The following ADD3 variants were observed in gnomAD, a reference collection of about 807,000 sequenced individuals.
The protein encoded by ADD3 is gamma-adducin.
A neutral mutation model predicts 80.2 loss-of-function variants in ADD3; 25 were observed. The ratio of observed to expected loss-of-function variants is 0.31; its 90% CI spans 0.23 to 0.44. The LOEUF is 0.44. Among genes scored for constraint, ADD3 ranks in the 20% least tolerant of loss-of-function variants. The pLI is 1.00. For synonymous variants in ADD3, 284 were observed against 289.6 expected, an observed-to-expected ratio of 0.98 and a Z score of 0.20; for missense variants, 829 against 847.5, an observed-to-expected ratio of 0.98 and a Z score of 0.27.
At chr10:110,133,283 T>A (rs376081821) in intron 14 of ADD3, 43 bp from the exon 15 acceptor site, 101 of 1,525,930 alleles carry the variant, frequency 6.6e-5, no homozygotes, top group Non-Finnish European at 8.6e-5. Context: ...GCAAAAATGT[T>A]AAGTATGTAA....
chr10:110,121,981 C>G, intron 8 of ADD3, 129 bp from the exon 9 acceptor site: 2 of 706,632 alleles, frequency 2.8e-6, no homozygotes, highest in Non-Finnish European at 4.4e-6. Flanking sequence ...GTCATCTTGT[C>G]TTTGTTGTTA....
intron 1 of ADD3, among the ~76,000 whole-genome samples, chr10:110,074,998 T>C (rs1331975429): frequency 2.0e-5 from 3 of 151,864 alleles, no homozygotes; most frequent in Non-Finnish European, 4.4e-5. Context: ...CCAAATAATA[T>C]CAAGACTAAC....
chr10:110,118,019 T>TACACACACACACACACACACACAC (rs148105742), intron 5 of ADD3, among the ~76,000 whole-genome samples: 2 of 125,690 alleles, frequency 1.6e-5, no homozygotes, highest in Non-Finnish European at 3.4e-5. Flanking sequence ...CTGTCTTCAA[T>TACACACACACACACACACACACAC]ACACACACAC....
chr10:110,086,579 G>GAT (rs1846788720), intron 1 of ADD3, among the ~76,000 whole-genome samples: 1 of 152,176 alleles, frequency 6.6e-6, no homozygotes, highest in Admixed American at 6.5e-5. Context: ...GCTATCTCAT[G>GAT]ATAGAGTTCT....
chr10:110,112,931 A>G lies in ADD3; in HGVS notation c.334+16A>G. On this transcript the variant is annotated intron_variant, in intron 3 of 14. Coordinates refer to ENST00000356080, the MANE Select transcript of ADD3 (RefSeq NM_016824.5). ...CCTCCTCTCAGTATGTCAGTTTTGG[A>G]GAGTTTTAAACATTATAATTTTACT... 6.2e-7 allele frequency: 1 copy of G among 1,611,096 alleles called. No homozygotes were observed. The highest frequency in any genetic ancestry group is 8.5e-7 in the Non-Finnish European group (1 of 1,178,638).
chr10:110,050,165 T>C (rs1251780457), intron 1 of ADD3, among the ~76,000 whole-genome samples: 3 of 152,228 alleles, frequency 2.0e-5, no homozygotes. Context: ...AAAGTCATGA[T>C]TGGTTTTGAA....
At chr10:110,016,644 A>G (rs1005811187) in intron 1 of ADD3, 2 of 152,324 alleles carry the variant, frequency 1.3e-5, no homozygotes, top group African/African-American at 4.8e-5. Flanking sequence ...GAATACTTGA[A>G]TACTTCGATT....
At chr10:110,051,921 C>T (rs1195906414) in intron 1 of ADD3, among the ~76,000 whole-genome samples, 1 of 152,186 alleles carries the variant, frequency 6.6e-6, no homozygotes, top group African/African-American at 2.4e-5. Context: ...TCCAACCCAG[C>T]CTCCCAAGTA....
At chr10:110,110,482 A>C (rs1849878068) in intron 2 of ADD3, among the ~76,000 whole-genome samples, 1 of 152,154 alleles carries the variant, frequency 6.6e-6, no homozygotes, top group Admixed American at 6.5e-5. Flanking sequence ...ACAGTGCATC[A>C]GGGAGGGATC....
chr10:110,039,853 T>C (rs12358885), intron 1 of ADD3, among the ~76,000 whole-genome samples: 5,934 of 152,326 alleles, frequency 0.039, 158 homozygotes, highest in Middle Eastern at 0.17. Flanking sequence ...CATGAGCTTA[T>C]GGTGGAGAGC....
intron 10 of ADD3, among the ~76,000 whole-genome samples, chr10:110,125,152 A>C (rs543126944): frequency 1.3e-5 from 2 of 152,330 alleles, no homozygotes. Flanking sequence ...TCCCAGTAAA[A>C]GAACATAATT....
intron 2 of ADD3, among the ~76,000 whole-genome samples, chr10:110,101,549 A>C (rs1323788938): frequency 6.6e-6 from 1 of 151,752 alleles, no homozygotes; most frequent in African/African-American, 2.4e-5. Context: ...AGGCAGGAGG[A>C]TCACTTGAGC....
At chr10:110,047,069 G>T (rs1303536932) in intron 1 of ADD3, among the ~76,000 whole-genome samples, 1 of 152,094 alleles carries the variant, frequency 6.6e-6, no homozygotes, top group Non-Finnish European at 1.5e-5. Flanking sequence ...ATCACTCTTT[G>T]TGATAGATAT....
At position 110,041,266 on chromosome 10, in the gene ADD3, T is replaced by C. The variant is rs368292597; in HGVS notation, c.-30+32967T>C. On this transcript the variant is annotated intron_variant, in intron 1 of 14. Coordinates refer to ENST00000356080, the MANE Select transcript of ADD3 (RefSeq NM_016824.5). ...GAATTAATAACAGGAGAATTGAGAG[T>C]TGAAGTTGTGGGAGGCAGATGAGGT... Among the ~76,000 whole-genome samples the C allele has an allele frequency of 5.3e-5, 8 of 151,818 alleles. 1 individual carries two copies. In the South Asian group the frequency reaches 1.7e-3, roughly 32 times the overall value.
chr10:110,087,671 G>A (rs1242435141), intron 1 of ADD3, among the ~76,000 whole-genome samples: 1 of 152,174 alleles, frequency 6.6e-6, no homozygotes, highest in Non-Finnish European at 1.5e-5. Context: ...GTGTTTTGAC[G>A]ATTTGTTATT....
At chr10:110,021,512 G>A (rs149664271) in intron 1 of ADD3, among the ~76,000 whole-genome samples, 1 of 152,318 alleles carries the variant, frequency 6.6e-6, no homozygotes, top group Non-Finnish European at 1.5e-5. Context: ...TATCCATGCA[G>A]TGGGATATTA....
chr10:110,056,148 A>G (rs1344179192), intron 1 of ADD3, among the ~76,000 whole-genome samples: 1 of 152,192 alleles, frequency 6.6e-6, no homozygotes, highest in Non-Finnish European at 1.5e-5. Flanking sequence ...CATCACTGCT[A>G]CCCTTCCTTG....
intron 1 of ADD3, among the ~76,000 whole-genome samples, chr10:110,065,539 C>CCTTTTTTTTTT (rs1843806502): frequency 3.2e-5 from 1 of 31,186 alleles, no homozygotes; most frequent in Non-Finnish European, 7.5e-5. Context: ...TCTCTCTCCC[C>CCTTTTTTTTTT]TTTTTTTTTT....
At chr10:110,044,419 T>A (rs1856702964) in intron 1 of ADD3, among the ~76,000 whole-genome samples, 1 of 152,230 alleles carries the variant, frequency 6.6e-6, no homozygotes, top group Admixed American at 6.5e-5. Flanking sequence ...TAATTGATGC[T>A]TATCATATGA....
Sources: gnomAD v4.1 joint callset for allele counts (sites outside exome capture counted in the v4.1 genomes callset) on GRCh38, gnomAD v4.1.1 for gene constraint, MANE v1.5 for transcripts, NCBI Gene and HGNC (gene_info 2026-07-23, HGNC 2026-07-21) for gene names.